The following NCAM1 variants were observed in gnomAD, a reference collection of about 807,000 sequenced individuals.
NCAM1 encodes neural cell adhesion molecule 1, also known as antigen recognized by monoclonal antibody 5.1H11.
Under a neutral mutation model 109.8 loss-of-function variants are expected in NCAM1, and 14 were observed. The observed-to-expected ratio is 0.13, with a 90% CI of 0.08 to 0.20. The LOEUF is 0.20. Among genes scored for constraint, NCAM1 ranks in the 10% least tolerant of loss-of-function variants. The pLI, the probability that NCAM1 is intolerant of heterozygous loss-of-function variation, is 1.00. For missense variants in NCAM1, 774 were observed against 1,109.9 expected (o/e 0.70, Z 4.30); for synonymous variants, 418 against 442.9 (o/e 0.94, Z 0.70).
At chr11:112,970,408 C>A (rs1039241206) in intron 1 of NCAM1, among the ~76,000 whole-genome samples, 2 of 152,058 alleles carry the variant, frequency 1.3e-5, no homozygotes, top group Non-Finnish European at 2.9e-5. Flanking sequence ...ATTTTTATTG[C>A]TGTATGAAAC....
At chr11:113,137,513 CA>C (rs1941643899) in intron 1 of NCAM1, among the ~76,000 whole-genome samples, 2 of 152,180 alleles carry the variant, frequency 1.3e-5, no homozygotes, top group Non-Finnish European at 2.9e-5. Context: ...ATTTGCGACT[CA>C]ACATTGTGAT....
intron 1 of NCAM1, among the ~76,000 whole-genome samples, chr11:113,043,926 A>G (rs1953169772): frequency 6.7e-6 from 1 of 148,920 alleles, no homozygotes; most frequent in Admixed American, 6.7e-5. Flanking sequence ...ATGTGCCTAG[A>G]TGTTTTTGAG....
At chr11:113,013,414 A>C (rs1312389508) in intron 1 of NCAM1, among the ~76,000 whole-genome samples, 1 of 142,528 alleles carries the variant, frequency 7.0e-6, no homozygotes, top group Non-Finnish European at 1.5e-5. Context: ...GCGACACAGC[A>C]AGACTCTGTC....
chr11:113,134,403 C>T (rs1254351511), intron 1 of NCAM1, among the ~76,000 whole-genome samples: 1 of 152,146 alleles, frequency 6.6e-6, no homozygotes, highest in African/African-American at 2.4e-5. Flanking sequence ...GACATCTGGG[C>T]TGCTTTCACT....
At position 113,275,288 on chromosome 11, in the gene NCAM1, G is replaced by C; in HGVS notation, c.2478G>C (p.Lys826Asn). The C allele has an allele frequency of 6.2e-7, 1 of 1,613,784 alleles. No individual in the cohort carries two copies. The highest frequency in any genetic ancestry group is 8.5e-7 in the Non-Finnish European group (1 of 1,179,828). ...GCAGGAAGGGCCCCGTAGAAGCAAA[G>C]CCAGAGTGCCAGGAGACAGAAACGA... ...TEPEKGPVEA[K>N]PECQETETKP... Residue 826 changes from lysine (K) to asparagine (N), a missense_variant, in exon 20 of 20, where the codon AAG (lysine) becomes AAC (asparagine). Coordinates refer to ENST00000316851, the MANE Select transcript of NCAM1 (RefSeq NM_181351.5).
chr11:113,121,225 C>CTTTTTTT lies in NCAM1; in HGVS notation c.53-81145_53-81139dup, dbSNP rs3051885. ...TTTTCTGAGCTCCAACAACACCAAT[C>CTTTTTTT]TTTTTTTTTTTTTTTGAGACAGTCT... is the stretch of plus-strand genomic sequence containing the variant. On this transcript the variant is annotated intron_variant, in intron 1 of 19. Coordinates refer to ENST00000316851, the MANE Select transcript of NCAM1 (RefSeq NM_181351.5). Among the ~76,000 whole-genome samples, 87 of 125,292 alleles carry CTTTTTTT rather than the reference C, an allele frequency of 6.9e-4. 1 individual carries two copies. The highest frequency in any genetic ancestry group is 1.9e-3 in the African/African-American group (62 of 32,572). The allele number at this position is 125,292 out of a possible 152,430, so 82.2% of individuals were successfully genotyped here.
intron 1 of NCAM1, among the ~76,000 whole-genome samples, chr11:113,049,724 G>A (rs1373352826): frequency 1.3e-5 from 2 of 152,190 alleles, no homozygotes; most frequent in African/African-American, 4.8e-5. Context: ...GGCTCTAACA[G>A]AAGGCCCCCC....
chr11:113,083,994 A>C (rs1445197810), intron 1 of NCAM1, among the ~76,000 whole-genome samples: 1 of 152,244 alleles, frequency 6.6e-6, no homozygotes, highest in Non-Finnish European at 1.5e-5. Flanking sequence ...ATAGAAATGA[A>C]AGGAATGCTC....
At chr11:113,105,449 A>C (rs1419810955) in intron 1 of NCAM1, among the ~76,000 whole-genome samples, 1 of 152,234 alleles carries the variant, frequency 6.6e-6, no homozygotes, top group Non-Finnish European at 1.5e-5. Flanking sequence ...ACAGCCAAGC[A>C]AAAACGTGTA....
chr11:113,216,337 A>G (rs1944530422), intron 8 of NCAM1, among the ~76,000 whole-genome samples: 1 of 151,662 alleles, frequency 6.6e-6, no homozygotes, highest in South Asian at 2.1e-4. Flanking sequence ...TATTTTTAGT[A>G]GAGACGGGGT....
At chr11:113,017,486 G>C (rs1459708544) in intron 1 of NCAM1, among the ~76,000 whole-genome samples, 1 of 152,148 alleles carries the variant, frequency 6.6e-6, no homozygotes, top group Non-Finnish European at 1.5e-5. Flanking sequence ...ATCACAGCCA[G>C]CTTATTTAGC....
chr11:113,270,343 G>T lies in NCAM1; in HGVS notation c.2287G>T (p.Ala763Ser). 1.2e-6 allele frequency: 2 copies of T among 1,613,990 alleles called. No individual in the cohort carries two copies. Among genetic ancestry groups the T allele is most frequent in the Non-Finnish European group, 1.7e-6 (2 of 1,179,900 alleles). Residue 763 changes from alanine to serine, a missense_variant, in exon 18 of 20, where the codon GCC becomes TCC. Transcript: ENST00000316851. ...CATTGCGGTCAACCTGTGTGGAAAA[G>T]CCGGGCCCGGGGCCAAGGGCAAGGA... ...MCIAVNLCGKAGPGAKGKDME... is the reference protein window; with the variant it reads ...MCIAVNLCGKSGPGAKGKDME...
rs376785378 is a variant in NCAM1, at chr11:112,991,187, G to C, written c.52+29523G>C. ...ATTAATATGATGGGTAATAGTATCA[G>C]GATTCAGTATCTCAGTAAGTTCGAT... is the stretch of plus-strand genomic sequence containing the variant. On this transcript the variant is annotated intron_variant, in intron 1 of 19. Transcript: ENST00000316851. 9.9e-5 allele frequency among the ~76,000 whole-genome samples: 15 copies of C among 152,216 alleles called. No homozygotes were observed. In the East Asian group the frequency reaches 1.2e-3, roughly 12 times the overall value.
At chr11:113,259,700 CTT>C (rs61638375) in intron 16 of NCAM1, among the ~76,000 whole-genome samples, 5 of 113,474 alleles carry the variant, frequency 4.4e-5, no homozygotes, top group Non-Finnish European at 5.4e-5. Context: ...CCCATCATTG[CTT>C]TTTTTTTTTT....
At chr11:112,991,284 C>T (rs1294203765) in intron 1 of NCAM1, among the ~76,000 whole-genome samples, 1 of 151,980 alleles carries the variant, frequency 6.6e-6, no homozygotes, top group Admixed American at 6.6e-5. Context: ...AGTCTGCTAC[C>T]CCAGGGCACA....
At chr11:112,983,703 T>C (rs140182115) in intron 1 of NCAM1, among the ~76,000 whole-genome samples, 20 of 152,140 alleles carry the variant, frequency 1.3e-4, no homozygotes, top group African/African-American at 4.8e-4. Flanking sequence ...CAAATGACCA[T>C]GCTCCTCATC....
chr11:113,142,308 G>A (rs558582288), intron 1 of NCAM1, among the ~76,000 whole-genome samples: 1 of 152,306 alleles, frequency 6.6e-6, no homozygotes, highest in South Asian at 2.1e-4. Context: ...ATTAGAGTCT[G>A]TCATTAGGAA....
At chr11:113,235,966 G>C (rs1177088707) in intron 14 of NCAM1, among the ~76,000 whole-genome samples, 2 of 152,290 alleles carry the variant, frequency 1.3e-5, no homozygotes, top group Middle Eastern at 3.4e-3. Flanking sequence ...AGATACCGTA[G>C]AACTAAATTT....
chr11:113,105,443 C>T (rs191911406), intron 1 of NCAM1, among the ~76,000 whole-genome samples: 1 of 152,210 alleles, frequency 6.6e-6, no homozygotes, highest in East Asian at 1.9e-4. Context: ...TGACATACAG[C>T]CAAGCAAAAA....
Sources: gnomAD v4.1 joint callset for allele counts (sites outside exome capture counted in the v4.1 genomes callset) on GRCh38, gnomAD v4.1.1 for gene constraint, MANE v1.5 for transcripts, NCBI Gene and HGNC (gene_info 2026-07-23, HGNC 2026-07-21) for gene names.